Variants in CDKL3 observed in about 807,000 individuals in gnomAD.
The protein encoded by CDKL3 is cyclin-dependent kinase-like 3.
CDKL3 carries 65 observed loss-of-function variants against 69.3 expected under a neutral mutation model. That is an observed-to-expected ratio of 0.94 (90% CI 0.77 to 1.15). CDKL3 has a LOEUF of 1.15. CDKL3 is among the 50% of genes most tolerant of loss of function. The pLI, the probability that CDKL3 is intolerant of heterozygous loss-of-function variation, is 0.00. For missense variants in CDKL3, 652 were observed against 689.2 expected, an observed-to-expected ratio of 0.95 and a Z score of 0.61; for synonymous variants, 202 against 221.6, an observed-to-expected ratio of 0.91 and a Z score of 0.79.
At chr5:134,332,706 A>G (rs938222972) in intron 4 of CDKL3, among the ~76,000 whole-genome samples, 5 of 152,116 alleles carry the variant, frequency 3.3e-5, no homozygotes, top group African/African-American at 1.2e-4. Context: ...GCCTTGTAGT[A>G]TAGTTTGAAG....
chr5:134,337,673 C>T (rs928826847), intron 4 of CDKL3, among the ~76,000 whole-genome samples: 1 of 152,084 alleles, frequency 6.6e-6, no homozygotes, highest in African/African-American at 2.4e-5. Context: ...CACTGCAAGA[C>T]CTTGTTTCTA....
chr5:134,292,406 T>C, intron 8 of CDKL3, among the ~76,000 whole-genome samples: 1 of 152,116 alleles, frequency 6.6e-6, no homozygotes. Flanking sequence ...AGTTGGGAAA[T>C]ACTTTCACTG....
chr5:134,332,590 G>A lies in CDKL3; in HGVS notation c.540-10687C>T, dbSNP rs138851430. ...CCTTGTTTTTGTCAGGTTTGTCAAA[G>A]ATCAGATGGTTGTAGATGTGTGCTG... On this transcript the variant is annotated intron_variant, in intron 4 of 12. Transcript: ENST00000265334. Among the ~76,000 whole-genome samples, 681 of 152,290 alleles carry A rather than the reference G, an allele frequency of 4.5e-3. 7 individuals are homozygous for A. The highest frequency in any genetic ancestry group is 0.015 in the African/African-American group (629 of 41,558).
intron 4 of CDKL3, among the ~76,000 whole-genome samples, chr5:134,335,232 G>T (rs1259025803): frequency 1.3e-5 from 2 of 151,274 alleles, no homozygotes; most frequent in African/African-American, 2.4e-5. Context: ...ATGTGAGATG[G>T]GTCCCCTGAA....
At chr5:134,295,941 G>A (rs2149406131), downstream of CDKL3, among the ~76,000 whole-genome samples, 1 of 152,184 alleles carries the variant, frequency 6.6e-6, no homozygotes, top group South Asian at 2.1e-4. Flanking sequence ...CTGTTGCCCA[G>A]GCTGGAGTGC....
chr5:134,322,719 T>A (rs1202607323), intron 4 of CDKL3, among the ~76,000 whole-genome samples: 1 of 152,178 alleles, frequency 6.6e-6, no homozygotes, highest in Non-Finnish European at 1.5e-5. Flanking sequence ...CTGTGGCTCA[T>A]GCCTGTAATC....
chr5:134,295,269 G>T (rs546808146), downstream of CDKL3, among the ~76,000 whole-genome samples: 3 of 151,980 alleles, frequency 2.0e-5, no homozygotes, highest in African/African-American at 7.2e-5. Flanking sequence ...TGCCTGCCTC[G>T]GCCTCCTGAA....
intron 4 of CDKL3, among the ~76,000 whole-genome samples, chr5:134,344,938 G>A (rs920106309): frequency 1.3e-5 from 2 of 151,960 alleles, no homozygotes; most frequent in African/African-American, 4.8e-5. Context: ...GGTGCCATGC[G>A]CCTGTAGTCC....
rs117543456 is a variant in CDKL3 at position 134,301,301 on chromosome 5, T to A, written c.1719+1289A>T. Among the ~76,000 whole-genome samples, 14 of 152,262 alleles carry A rather than the reference T, an allele frequency of 9.2e-5. No individual in the cohort carries two copies. In the East Asian group the frequency reaches 2.7e-3, roughly 29 times the overall value. The stretch of plus-strand genomic sequence containing the variant: ...GTGTGAGCCACTGTGCCCGGCCTAA[T>A]GGCATTCTTGTTCTACAACATTTCT... On this transcript the variant is annotated intron_variant, in intron 12 of 12. Transcript: ENST00000265334.
chr5:134,318,701 G>A (rs1009719729), intron 6 of CDKL3, among the ~76,000 whole-genome samples: 1 of 151,916 alleles, frequency 6.6e-6, no homozygotes, highest in Admixed American at 6.6e-5. Context: ...TGGCCAGGAT[G>A]GTCTTGATCT....
upstream of CDKL3, chr5:134,371,501 C>T (rs34553375): frequency 0.035 from 50,039 of 1,427,470 alleles, 981 homozygotes; most frequent in Middle Eastern, 0.053. Flanking sequence ...GCGGCGGCGG[C>T]GGCGATCCAC....
upstream of CDKL3, among the ~76,000 whole-genome samples, chr5:134,369,262 T>C (rs748432236): frequency 9.2e-5 from 14 of 152,230 alleles, no homozygotes; most frequent in South Asian, 4.1e-4. Flanking sequence ...AAAAGTGTTA[T>C]ATCATTTTGG....
downstream of CDKL3, among the ~76,000 whole-genome samples, chr5:134,293,818 A>T (rs745873237): frequency 3.9e-5 from 6 of 152,030 alleles, no homozygotes; most frequent in Non-Finnish European, 8.8e-5. Context: ...AAAATTTTTT[A>T]AATAAAATAG....
At chr5:134,341,889 C>T (rs200820710) in intron 4 of CDKL3, among the ~76,000 whole-genome samples, 1 of 152,232 alleles carries the variant, frequency 6.6e-6, no homozygotes, top group East Asian at 1.9e-4. Context: ...GTGGGCCCTA[C>T]ATAAATCAGA....
chr5:134,345,277 A>G (rs1463719446), intron 4 of CDKL3, among the ~76,000 whole-genome samples: 1 of 152,158 alleles, frequency 6.6e-6, no homozygotes, highest in African/African-American at 2.4e-5. Context: ...ACTGTATTAT[A>G]TAAAAATATC....
intron 4 of CDKL3, among the ~76,000 whole-genome samples, chr5:134,341,450 A>G (rs1750467857): frequency 1.3e-5 from 2 of 152,250 alleles, no homozygotes; most frequent in African/African-American, 4.8e-5. Flanking sequence ...CCACTAAACT[A>G]CTATGAGAAC....
At chr5:134,335,046 T>C (rs1776720619) in intron 4 of CDKL3, among the ~76,000 whole-genome samples, 1 of 152,184 alleles carries the variant, frequency 6.6e-6, no homozygotes, top group Non-Finnish European at 1.5e-5. Flanking sequence ...CTTGTTGAAT[T>C]GATCCCTTTG....
chr5:134,345,867 C>T (rs1472266525), intron 4 of CDKL3, among the ~76,000 whole-genome samples: 1 of 152,174 alleles, frequency 6.6e-6, no homozygotes, highest in African/African-American at 2.4e-5. Context: ...TGACAGCACC[C>T]ACTGATTTTG....
At position 134,312,333 on chromosome 5, in the gene CDKL3, A is replaced by T. The variant is rs1336816012; in HGVS notation, c.840T>A (p.Leu280=). Residue 280 remains leucine (L), a synonymous_variant, in exon 7 of 13, where the codon CTT becomes CTA. Coordinates refer to ENST00000265334, the MANE Select transcript of CDKL3 (RefSeq NM_001113575.2). ...DPADRISSSD[L]LHHEYFTRDG... is the part of the protein sequence containing the mutation. ...CTCTAGTAAAATACTCATGATGCAA[A>T]AGATCACTAGATGATATCCTGTCAG... 6.2e-7 allele frequency: 1 copy of T among 1,601,656 alleles called. No homozygotes were observed. The highest frequency in any genetic ancestry group is 8.5e-7 in the Non-Finnish European group (1 of 1,174,652).
Sources: allele counts gnomAD v4.1 joint callset (sites outside exome capture counted in the v4.1 genomes callset), GRCh38; gene constraint gnomAD v4.1.1; transcripts MANE v1.5; gene names NCBI Gene and HGNC (gene_info 2026-07-23, HGNC 2026-07-21).